Variants in TCF7L1 observed in about 807,000 individuals in gnomAD.
TCF7L1 encodes transcription factor 7-like 1.
Under a neutral mutation model 63.7 loss-of-function variants are expected in TCF7L1, and 18 were observed. The ratio of observed to expected loss-of-function variants is 0.28; its 90% CI spans 0.20 to 0.42. TCF7L1 has a LOEUF of 0.42. Among genes scored for constraint, TCF7L1 ranks in the 10% least tolerant of loss-of-function variants. TCF7L1 has a pLI of 1.00. For missense variants in TCF7L1, 654 were observed against 779.3 expected, an observed-to-expected ratio of 0.84 and a Z score of 1.91; for synonymous variants, 355 against 340.9, an observed-to-expected ratio of 1.04 and a Z score of -0.46.
At chr2:85,253,761 A>G (rs532013440) in intron 3 of TCF7L1, among the ~76,000 whole-genome samples, 1 of 152,340 alleles carries the variant, frequency 6.6e-6, no homozygotes, top group South Asian at 2.1e-4. Flanking sequence ...TGTGCATGCT[A>G]AGCGTTCACT....
chr2:85,302,811 C>A (rs2104387625), intron 5 of TCF7L1, among the ~76,000 whole-genome samples, 195 bp downstream of exon 5: 1 of 152,168 alleles, frequency 6.6e-6, no homozygotes, highest in South Asian at 2.1e-4. Context: ...ACCTTCTCCA[C>A]CATAGGGTCA....
chr2:85,260,626 A>G (rs1407200326), intron 3 of TCF7L1, among the ~76,000 whole-genome samples: 1 of 147,932 alleles, frequency 6.8e-6, no homozygotes, highest in Non-Finnish European at 1.5e-5. Context: ...CCCCGGTGAC[A>G]GAGTGAGACC....
chr2:85,300,986 G>T (rs1040414783), intron 4 of TCF7L1, among the ~76,000 whole-genome samples: 12 of 152,032 alleles, frequency 7.9e-5, no homozygotes, highest in African/African-American at 1.2e-4. Context: ...CACCATGTCG[G>T]CCAGGCTAGT....
intron 3 of TCF7L1, among the ~76,000 whole-genome samples, chr2:85,158,594 T>C (rs1440951470): frequency 1.3e-5 from 2 of 152,362 alleles, no homozygotes; most frequent in East Asian, 3.9e-4. Context: ...AAAATCATGA[T>C]AGCTCAGGTC....
At position 85,288,020 on chromosome 2, in the gene TCF7L1, T is replaced by C. The variant is rs142236616; in HGVS notation, c.525+4442T>C. Reference sequence around the variant, plus strand: ...ATTGTAATGAGTCTAGAATTGTGCCTCTACCACAAAATAAGTCCTCAATAA... The same window carrying C: ...ATTGTAATGAGTCTAGAATTGTGCCCCTACCACAAAATAAGTCCTCAATAA... On this transcript the variant is annotated intron_variant, in intron 4 of 11. Transcript: ENST00000282111. Among the ~76,000 whole-genome samples the C allele has an allele frequency of 3.5e-3, 534 of 152,332 alleles. 4 individuals carry two copies. Among genetic ancestry groups the C allele is most frequent in the African/African-American group, 0.012 (492 of 41,564 alleles).
chr2:85,236,476 T>A (rs1207719611), intron 3 of TCF7L1, among the ~76,000 whole-genome samples: 1 of 152,174 alleles, frequency 6.6e-6, no homozygotes, highest in Non-Finnish European at 1.5e-5. Context: ...TGGAGGCCTC[T>A]GGATGCAATT....
At chr2:85,164,078 G>A (rs142468173) in intron 3 of TCF7L1, among the ~76,000 whole-genome samples, 256 of 152,174 alleles carry the variant, frequency 1.7e-3, no homozygotes, top group African/African-American at 5.5e-3. Flanking sequence ...CTTCCAAGCC[G>A]GCCACTTTGA....
chr2:85,196,751 A>C lies in TCF7L1; in HGVS notation c.441+62301A>C, dbSNP rs111580958. On this transcript the variant is annotated intron_variant, in intron 3 of 11. Coordinates refer to ENST00000282111, the MANE Select transcript of TCF7L1 (RefSeq NM_031283.3). Reference sequence around the variant, plus strand: ...CTTCTAGAGGATAGTGCATTTAATAATCACCTCTATATTGGGTAGGTGATG... The same window carrying C: ...CTTCTAGAGGATAGTGCATTTAATACTCACCTCTATATTGGGTAGGTGATG... Among the ~76,000 whole-genome samples the C allele has an allele frequency of 5.9e-3, 897 of 152,290 alleles. 12 individuals are homozygous for C. Among genetic ancestry groups the C allele is most frequent in the African/African-American group, 0.02 (841 of 41,554 alleles).
intron 3 of TCF7L1, among the ~76,000 whole-genome samples, chr2:85,245,117 C>G (rs956595077): frequency 1.3e-5 from 2 of 152,184 alleles, no homozygotes. Context: ...GGTATCAAGA[C>G]AGATACCAGG....
intron 3 of TCF7L1, among the ~76,000 whole-genome samples, chr2:85,144,753 G>T (rs1316793572): frequency 1.1e-4 from 14 of 130,132 alleles, no homozygotes; most frequent in African/African-American, 2.8e-4. Context: ...GTGTGTGTAT[G>T]TGTGTGTGTG....
rs184505992 is a variant in TCF7L1 at position 85,295,885 on chromosome 2, C to T, written c.526-6599C>T. Reference sequence around the variant, plus strand: ...CTCCGCCTCCTGGGTTCAAGTGATTCTCCTGCCTCAGCCTCCTGAGTAGCT... The same window carrying T: ...CTCCGCCTCCTGGGTTCAAGTGATTTTCCTGCCTCAGCCTCCTGAGTAGCT... On this transcript the variant is annotated intron_variant, in intron 4 of 11. Transcript: ENST00000282111. Among the ~76,000 whole-genome samples, 717 of 140,852 alleles carry T rather than the reference C, an allele frequency of 5.1e-3. 7 individuals are homozygous for T. Among genetic ancestry groups the T allele is most frequent in the African/African-American group, 0.018 (666 of 37,474 alleles). The allele number at this position is 140,852 out of a possible 152,430, so 92.4% of individuals were successfully genotyped here.
chr2:85,136,099 G>A (rs1677587569), intron 3 of TCF7L1, among the ~76,000 whole-genome samples: 1 of 152,024 alleles, frequency 6.6e-6, no homozygotes, highest in Non-Finnish European at 1.5e-5. Flanking sequence ...TTACTATTAG[G>A]ATATCTAGAG....
chr2:85,171,346 AATG>A lies in TCF7L1; in HGVS notation c.441+36899_441+36901del, dbSNP rs1678541246. ...AACCACATGAGAAGGATTATGTCAG[AATG>A]ATTTGGGGGTGCTGTTTTAAAATGC... On this transcript the variant is annotated intron_variant, in intron 3 of 11. Transcript: ENST00000282111. Among the ~76,000 whole-genome samples the A allele has an allele frequency of 2.6e-5, 4 of 152,284 alleles. No individual in the cohort carries two copies. The South Asian group carries it at 8.3e-4, about 32-fold the overall frequency.
intron 3 of TCF7L1, among the ~76,000 whole-genome samples, chr2:85,197,013 G>A (rs983712752): frequency 6.6e-6 from 1 of 152,142 alleles, no homozygotes; most frequent in Non-Finnish European, 1.5e-5. Flanking sequence ...CTTGCGTGCA[G>A]GTTTCTCTGC....
At chr2:85,165,497 A>T (rs1422512964) in intron 3 of TCF7L1, among the ~76,000 whole-genome samples, 1 of 152,200 alleles carries the variant, frequency 6.6e-6, no homozygotes, top group Non-Finnish European at 1.5e-5. Flanking sequence ...CACTCCTTCC[A>T]GAGTTACTTG....
At chr2:85,160,207 C>G (rs948855163) in intron 3 of TCF7L1, among the ~76,000 whole-genome samples, 1 of 152,144 alleles carries the variant, frequency 6.6e-6, no homozygotes, top group African/African-American at 2.4e-5. Flanking sequence ...GCCTCCTTCC[C>G]CCTGGCAGCC....
At chr2:85,265,442 G>A (rs1680944567) in intron 3 of TCF7L1, among the ~76,000 whole-genome samples, 1 of 152,222 alleles carries the variant, frequency 6.6e-6, no homozygotes, top group Non-Finnish European at 1.5e-5. Context: ...TGTCTCCTCT[G>A]GTTGAATTGG....
At chr2:85,268,583 A>C (rs1045531247) in intron 3 of TCF7L1, among the ~76,000 whole-genome samples, 2 of 150,032 alleles carry the variant, frequency 1.3e-5, no homozygotes, top group African/African-American at 2.5e-5. Flanking sequence ...CTGGGATTAC[A>C]GGCGCCCGCC....
At chr2:85,265,700 C>T (rs1680952384) in intron 3 of TCF7L1, among the ~76,000 whole-genome samples, 1 of 151,334 alleles carries the variant, frequency 6.6e-6, no homozygotes, top group African/African-American at 2.4e-5. Context: ...AGACCCCATT[C>T]AAAATAAAAC....
Sources: allele counts gnomAD v4.1 joint callset (sites outside exome capture counted in the v4.1 genomes callset), GRCh38; gene constraint gnomAD v4.1.1; transcripts MANE v1.5; gene names NCBI Gene and HGNC (gene_info 2026-07-23, HGNC 2026-07-21).